NBEA: variants seen among roughly 807,000 people sequenced by gnomAD.
The protein encoded by NBEA is lysosomal-trafficking regulator 2.
NBEA carries 44 observed loss-of-function variants against 343.4 expected under a neutral mutation model. The ratio of observed to expected loss-of-function variants is 0.13; its 90% CI spans 0.10 to 0.16. NBEA has a LOEUF of 0.16. NBEA is among the 10% of genes least tolerant of loss of function. NBEA has a pLI of 1.00. For synonymous variants in NBEA, 1,175 were observed against 1,238.7 expected, an observed-to-expected ratio of 0.95 and a Z score of 1.08; for missense variants, 2,555 against 3,631.3, an observed-to-expected ratio of 0.70 and a Z score of 7.62.
intron 50 of NBEA, 96 bp from the exon 51 acceptor site, chr13:35,646,163 A>G (rs1371642918): frequency 2.7e-5 from 26 of 972,444 alleles, no homozygotes; most frequent in Non-Finnish European, 4.1e-5. Context: ...ACTTTTTTTC[A>G]TGGCTGACTT....
chr13:35,354,540 C>G (rs1176243651), intron 38 of NBEA, among the ~76,000 whole-genome samples: 1 of 152,074 alleles, frequency 6.6e-6, no homozygotes, highest in African/African-American at 2.4e-5. Context: ...AAAGCATGGC[C>G]TGAGCCCTCA....
At chr13:35,570,549 C>A (rs375860425) in intron 45 of NBEA, among the ~76,000 whole-genome samples, 54 of 152,316 alleles carry the variant, frequency 3.5e-4, no homozygotes, top group African/African-American at 1.3e-3. Context: ...TCCATGAGCT[C>A]TTAAAAGATA....
At chr13:35,020,073 T>C (rs2061785334) in intron 1 of NBEA, among the ~76,000 whole-genome samples, 1 of 152,134 alleles carries the variant, frequency 6.6e-6, no homozygotes, top group Non-Finnish European at 1.5e-5. Flanking sequence ...CATGCTCTTC[T>C]TTTATAGTTT....
chr13:35,184,084 T>C lies in NBEA; in HGVS notation c.4927+13T>C, dbSNP rs2071512710. 1 of 1,567,462 alleles carries C rather than the reference T, an allele frequency of 6.4e-7. No homozygotes were observed. Among genetic ancestry groups the C allele is most frequent in the Middle Eastern group, 1.7e-4 (1 of 5,944 alleles). On this transcript the variant is annotated intron_variant, in intron 30 of 58. Transcript: ENST00000379939. Reference sequence around the variant, plus strand: ...TCATTTTACAAAGGTAATACTGACCTCATCTCCTGACCTGTTTGGGTATTC... The same window carrying C: ...TCATTTTACAAAGGTAATACTGACCCCATCTCCTGACCTGTTTGGGTATTC...
intron 47 of NBEA, among the ~76,000 whole-genome samples, chr13:35,597,286 C>CA (rs1272269741): frequency 6.6e-6 from 1 of 152,152 alleles, no homozygotes; most frequent in Non-Finnish European, 1.5e-5. Context: ...TTTATAGACA[C>CA]AAAATGTCTG....
chr13:35,142,932 C>T (rs915394665), intron 18 of NBEA, among the ~76,000 whole-genome samples: 6 of 152,100 alleles, frequency 3.9e-5, no homozygotes, highest in Non-Finnish European at 1.5e-5. Flanking sequence ...GGTATACTAC[C>T]TCACAGGGTG....
chr13:35,346,102 G>A (rs941917523), intron 36 of NBEA, among the ~76,000 whole-genome samples: 3 of 152,058 alleles, frequency 2.0e-5, no homozygotes, highest in African/African-American at 7.2e-5. Context: ...TCTGAGGACA[G>A]GAGTCTTTTG....
At chr13:35,309,637 A>G (rs2037221783) in intron 36 of NBEA, 45 bp downstream of exon 36, 3 of 1,121,488 alleles carry the variant, frequency 2.7e-6, no homozygotes, top group East Asian at 5.5e-5. Context: ...TGTACATTTT[A>G]TTCCACTGGG....
At chr13:35,199,987 C>T (rs532748387) in intron 31 of NBEA, among the ~76,000 whole-genome samples, 29 of 152,008 alleles carry the variant, frequency 1.9e-4, no homozygotes, top group Middle Eastern at 3.4e-3. Context: ...TGCTAGAGAT[C>T]CTCTAGTACT....
At chr13:35,424,265 A>G (rs940920728) in intron 38 of NBEA, among the ~76,000 whole-genome samples, 4 of 152,198 alleles carry the variant, frequency 2.6e-5, no homozygotes, top group African/African-American at 9.7e-5. Flanking sequence ...TTGCCCATTC[A>G]GTATGATATT....
chr13:35,181,840 G>A (rs1264059717), intron 28 of NBEA, among the ~76,000 whole-genome samples: 1 of 151,690 alleles, frequency 6.6e-6, no homozygotes, highest in Non-Finnish European at 1.5e-5. Context: ...CTCATATTGA[G>A]CTTATGTAAA....
intron 55 of NBEA, among the ~76,000 whole-genome samples, chr13:35,658,968 T>C (rs1432735646): frequency 1.3e-5 from 2 of 152,218 alleles, no homozygotes; most frequent in African/African-American, 2.4e-5. Context: ...GACATAGTTG[T>C]TGCCATCAGA....
intron 39 of NBEA, among the ~76,000 whole-genome samples, chr13:35,444,532 G>T (rs927317503): frequency 6.6e-5 from 10 of 151,966 alleles, no homozygotes; most frequent in African/African-American, 2.2e-4. Flanking sequence ...ATTGAGAAAT[G>T]GCGTATAATG....
intron 48 of NBEA, among the ~76,000 whole-genome samples, chr13:35,619,692 G>T (rs567163955): frequency 6.6e-6 from 1 of 152,260 alleles, no homozygotes; most frequent in African/African-American, 2.4e-5. Context: ...ATTCAGGTGT[G>T]TCTGCCATAC....
At chr13:35,337,562 T>A (rs1433133860) in intron 36 of NBEA, among the ~76,000 whole-genome samples, 1 of 152,036 alleles carries the variant, frequency 6.6e-6, no homozygotes, top group Non-Finnish European at 1.5e-5. Context: ...CTTGGAGACT[T>A]TAGTATCCCA....
chr13:35,266,028 G>A (rs961578325), intron 34 of NBEA, among the ~76,000 whole-genome samples: 1 of 151,872 alleles, frequency 6.6e-6, no homozygotes, highest in Admixed American at 6.6e-5. Context: ...ATTTAAAAAT[G>A]GGTAGGAGAA....
intron 34 of NBEA, among the ~76,000 whole-genome samples, chr13:35,279,484 G>A: frequency 6.6e-6 from 1 of 152,114 alleles, no homozygotes; most frequent in East Asian, 1.9e-4. Flanking sequence ...GCCTAATTTT[G>A]AATGATCAGG....
intron 51 of NBEA, among the ~76,000 whole-genome samples, chr13:35,646,965 GA>G (rs777231564): frequency 2.6e-5 from 4 of 152,132 alleles, no homozygotes; most frequent in Non-Finnish European, 5.9e-5. Flanking sequence ...AGAATTGAAT[GA>G]TTCAATACTG....
chr13:35,099,667 T>C lies in NBEA; in HGVS notation c.1680+1262T>C, dbSNP rs148800951. On this transcript the variant is annotated intron_variant, in intron 11 of 58. Coordinates refer to ENST00000379939, the MANE Select transcript of NBEA (RefSeq NM_001385012.1). ...TTGTGCTCTTTTTCCCTGCTCTTAA[T>C]ATATATTATTTAAAGTAGTTTTTCT... 2.0e-4 allele frequency among the ~76,000 whole-genome samples: 31 copies of C among 152,248 alleles called. No individual in the cohort carries two copies. In the East Asian group the frequency reaches 5.6e-3, roughly 27 times the overall value.
Sources: allele counts gnomAD v4.1 joint callset (sites outside exome capture counted in the v4.1 genomes callset), GRCh38; gene constraint gnomAD v4.1.1; transcripts MANE v1.5; gene names NCBI Gene and HGNC (gene_info 2026-07-23, HGNC 2026-07-21).